Variants in COL21A1 observed in about 807,000 individuals in gnomAD.
The protein encoded by COL21A1 is collagen type XXI alpha 1 chain, also known as collagen alpha-1(XXI) chain.
Under a neutral mutation model 137.9 loss-of-function variants are expected in COL21A1, and 149 were observed. The observed-to-expected ratio is 1.08, with a 90% CI of 0.95 to 1.24. The LOEUF is 1.24. Among genes scored for constraint, COL21A1 ranks in the 50% most tolerant of loss-of-function variants. The pLI is 0.00. For synonymous variants in COL21A1, 456 were observed against 391.5 expected (o/e 1.16, Z -1.95); for missense variants, 1,167 against 1,158.4 (o/e 1.01, Z -0.11).
At chr6:56,089,173 G>GCT (rs1298577499) in intron 17 of COL21A1, among the ~76,000 whole-genome samples, 6 of 152,144 alleles carry the variant, frequency 3.9e-5, no homozygotes, top group Non-Finnish European at 7.3e-5. Flanking sequence ...GGCATTTTAA[G>GCT]CTGATACCTG....
intron 1 of COL21A1, among the ~76,000 whole-genome samples, chr6:56,265,516 C>T (rs3846932): frequency 0.23 from 35,348 of 152,120 alleles, 4,481 homozygotes; most frequent in Non-Finnish European, 0.29. Context: ...ATGATACTCC[C>T]CATCCCCACT....
intron 1 of COL21A1, among the ~76,000 whole-genome samples, chr6:56,309,969 A>G (rs991990795): frequency 6.6e-6 from 1 of 152,238 alleles, no homozygotes; most frequent in Non-Finnish European, 1.5e-5. Flanking sequence ...GGGAGACTGT[A>G]GTCATAATTC....
chr6:56,108,941 T>A (rs1294229644), intron 16 of COL21A1, among the ~76,000 whole-genome samples: 1 of 151,710 alleles, frequency 6.6e-6, no homozygotes, highest in Non-Finnish European at 1.5e-5. Context: ...ATAAAAGGAT[T>A]TTCACCCTAA....
chr6:56,226,099 ATATCT>A (rs1264450158), intron 1 of COL21A1, among the ~76,000 whole-genome samples: 1 of 152,078 alleles, frequency 6.6e-6, no homozygotes, highest in Non-Finnish European at 1.5e-5. Flanking sequence ...AAGAATCCAA[ATATCT>A]TGACTTTTTC....
Position 56,170,818 on chromosome 6 carries a change from G to A in COL21A1, c.857C>T (p.Thr286Ile), listed in dbSNP as rs774159901. 1.2e-6 allele frequency: 2 copies of A among 1,611,032 alleles called. No homozygotes were observed. Among genetic ancestry groups the A allele is most frequent in the Non-Finnish European group, 8.5e-7 (1 of 1,178,142 alleles). The change falls in exon 5 of 30, where the codon ACT (threonine) becomes ATT (isoleucine). Residue 286 changes from threonine to isoleucine, a missense_variant. By Grantham distance (89) the Thr-to-Ile change is moderately conservative (BLOSUM62 -1). Coordinates refer to ENST00000244728, the MANE Select transcript of COL21A1 (RefSeq NM_030820.4). ...GLPPSYVFVS[T>I]QRFKVKKIWD... ...AATTTTCTTGACTTTAAATCTTTGA[G>A]TAGACACAAATACATATGATGGAGG...
intron 2 of COL21A1, among the ~76,000 whole-genome samples, chr6:56,182,166 T>A (rs1777947939): frequency 6.6e-6 from 1 of 152,212 alleles, no homozygotes; most frequent in African/African-American, 2.4e-5. Context: ...TTCACTGAGA[T>A]GTACTGTGCT....
At chr6:56,200,629 G>T (rs1779324205) in intron 1 of COL21A1, among the ~76,000 whole-genome samples, 1 of 151,890 alleles carries the variant, frequency 6.6e-6, no homozygotes. Context: ...CAAAGGACAT[G>T]AACTCATCAT....
chr6:56,182,742 A>G (rs983733585), intron 1 of COL21A1, 86 bp from the exon 2 acceptor site: 2 of 629,926 alleles, frequency 3.2e-6, no homozygotes, highest in Non-Finnish European at 5.6e-6. Flanking sequence ...ACAAGAGCCA[A>G]TTGAAGTACA....
At chr6:56,260,618 AGAGAG>A (rs1763231076) in intron 1 of COL21A1, among the ~76,000 whole-genome samples, 4 of 96,140 alleles carry the variant, frequency 4.2e-5, no homozygotes, top group Non-Finnish European at 9.9e-5. Context: ...AGAAAGAAAG[AGAGAG>A]AGAGGAAGGA....
chr6:56,153,124 G>A (rs1206907029), intron 10 of COL21A1, among the ~76,000 whole-genome samples: 1 of 152,148 alleles, frequency 6.6e-6, no homozygotes, highest in East Asian at 1.9e-4. Flanking sequence ...GGCAAATGTT[G>A]GCATATAATG....
chr6:56,130,159 AG>A (rs1199645957), intron 12 of COL21A1, among the ~76,000 whole-genome samples: 4 of 126,152 alleles, frequency 3.2e-5, no homozygotes, highest in African/African-American at 1.2e-4. Context: ...CATTCATGAC[AG>A]GGTTTTATAT....
rs2114011370 is a variant in COL21A1 at position 56,057,553 on chromosome 6, G to T, written c.*104C>A. 3.9e-6 allele frequency: 4 copies of T among 1,014,146 alleles called. No individual in the cohort carries two copies. Among genetic ancestry groups the T allele is most frequent in the Non-Finnish European group, 5.9e-6 (4 of 679,410 alleles). 62.8% of individuals were successfully genotyped at this position (1,014,146 alleles called of 1,614,324 possible). A position where few individuals can be genotyped will look rare whatever the true frequency, so the allele number is the denominator to read the frequency against. On this transcript the variant is annotated 3_prime_UTR_variant, in exon 30 of 30. Transcript: ENST00000244728. ...AGAAAAAAAAAATAAAAACACCGAGGTACTTAAGTTTCTTTTCAAGGGATT... is the reference window on the plus strand; with the variant it reads ...AGAAAAAAAAAATAAAAACACCGAGTTACTTAAGTTTCTTTTCAAGGGATT...
intron 1 of COL21A1, among the ~76,000 whole-genome samples, chr6:56,209,929 T>C (rs1312561905): frequency 1.3e-5 from 2 of 152,136 alleles, no homozygotes; most frequent in African/African-American, 4.8e-5. Flanking sequence ...ATATACACCA[T>C]GGAATACTAT....
chr6:56,177,173 G>A (rs1777552086), intron 3 of COL21A1, among the ~76,000 whole-genome samples: 1 of 152,018 alleles, frequency 6.6e-6, no homozygotes, highest in South Asian at 2.1e-4. Flanking sequence ...ACAGATAAAG[G>A]AATCATCACC....
At chr6:56,080,227 T>C (rs1767629378) in intron 17 of COL21A1, among the ~76,000 whole-genome samples, 1 of 151,800 alleles carries the variant, frequency 6.6e-6, no homozygotes, top group African/African-American at 2.4e-5. Context: ...GCTGTGGTTT[T>C]GGGTTCAGGC....
chr6:56,267,428 A>G (rs549305503), intron 1 of COL21A1, among the ~76,000 whole-genome samples: 40 of 152,300 alleles, frequency 2.6e-4, no homozygotes, highest in Admixed American at 4.6e-4. Context: ...AAGCCCCAAG[A>G]TGGAAAAAAC....
At chr6:56,169,081 A>G (rs1776827120) in intron 5 of COL21A1, among the ~76,000 whole-genome samples, 1 of 152,040 alleles carries the variant, frequency 6.6e-6, no homozygotes, top group Non-Finnish European at 1.5e-5. Flanking sequence ...TTTGAGTTGC[A>G]GTAACTAACC....
chr6:56,251,259 A>G (rs1030562421), upstream of COL21A1, among the ~76,000 whole-genome samples: 1 of 152,178 alleles, frequency 6.6e-6, no homozygotes, highest in Admixed American at 6.5e-5. Context: ...CTAAATGACT[A>G]CTATATTATG....
At chr6:56,109,043 A>G (rs531021087) in intron 16 of COL21A1, among the ~76,000 whole-genome samples, 1 of 151,946 alleles carries the variant, frequency 6.6e-6, no homozygotes, top group East Asian at 1.9e-4. Flanking sequence ...AAAACATTGC[A>G]TATCAGAATC....
Sources: allele counts gnomAD v4.1 joint callset (sites outside exome capture counted in the v4.1 genomes callset), GRCh38; gene constraint gnomAD v4.1.1; transcripts MANE v1.5; gene names NCBI Gene and HGNC (gene_info 2026-07-23, HGNC 2026-07-21).